The following TRHDE variants were observed in gnomAD, a reference collection of about 807,000 sequenced individuals.
The protein encoded by TRHDE is thyrotropin-releasing hormone-degrading ectoenzyme.
In TRHDE, 72 loss-of-function variants were observed where a neutral mutation model predicts 125.7. That is an observed-to-expected ratio of 0.57 (90% confidence interval 0.47 to 0.70). The LOEUF (loss-of-function observed/expected upper bound fraction) is 0.70, where lower values mean the gene tolerates loss of function less well. Ranked by LOEUF, TRHDE falls within the 30% of genes least tolerant of loss-of-function variation. The pLI, the probability that TRHDE is intolerant of heterozygous loss-of-function variation, is 0.00. For synonymous variants in TRHDE, 509 were observed against 509.1 expected (o/e 1.00, Z 0.00); for missense variants, 1,110 against 1,327.1 (o/e 0.84, Z 2.54).
chr12:72,434,324 G>T (rs1874638479), intron 3 of TRHDE, among the ~76,000 whole-genome samples: 1 of 148,518 alleles, frequency 6.7e-6, no homozygotes, highest in Non-Finnish European at 1.5e-5. Flanking sequence ...GGCAGAGGTT[G>T]CAGTTAGCCA....
chr12:72,578,982 G>GGGTT (rs1871122145), intron 12 of TRHDE, among the ~76,000 whole-genome samples: 1 of 105,184 alleles, frequency 9.5e-6, no homozygotes, highest in Non-Finnish European at 1.7e-5. Flanking sequence ...TTACTGTTTA[G>GGGTT]TGTTTTTTTT....
intron 1 of TRHDE, among the ~76,000 whole-genome samples, chr12:72,100,482 A>C (rs1359911286): frequency 6.6e-6 from 1 of 152,246 alleles, no homozygotes; most frequent in Non-Finnish European, 1.5e-5. Flanking sequence ...ATAAATGTTT[A>C]CTAGAAGGTC....
chr12:72,596,237 G>A (rs1871933398), intron 12 of TRHDE, among the ~76,000 whole-genome samples: 1 of 152,070 alleles, frequency 6.6e-6, no homozygotes, highest in Non-Finnish European at 1.5e-5. Context: ...TTTGATAAAT[G>A]GATAGAGGAG....
At chr12:72,368,710 A>G (rs1433749136) in intron 2 of TRHDE, among the ~76,000 whole-genome samples, 1 of 152,174 alleles carries the variant, frequency 6.6e-6, no homozygotes, top group Admixed American at 6.6e-5. Context: ...TATTAACTGA[A>G]TAAATAAATG....
intron 2 of TRHDE, among the ~76,000 whole-genome samples, chr12:72,170,381 A>C (rs1293370765): frequency 1.3e-5 from 2 of 152,188 alleles, no homozygotes; most frequent in Non-Finnish European, 2.9e-5. Context: ...AAGGACACGC[A>C]ATGAGGTTAG....
At chr12:72,364,053 C>G (rs1054844054) in intron 2 of TRHDE, among the ~76,000 whole-genome samples, 3 of 151,960 alleles carry the variant, frequency 2.0e-5, no homozygotes, top group Non-Finnish European at 2.9e-5. Context: ...AGCTAGGAAG[C>G]CAACTTACAA....
chr12:72,089,826 G>A (rs1874750618), intron 1 of TRHDE, among the ~76,000 whole-genome samples: 1 of 152,126 alleles, frequency 6.6e-6, no homozygotes, highest in Non-Finnish European at 1.5e-5. Context: ...TGTGAACTGG[G>A]ATCTGCATCT....
upstream of TRHDE, chr12:72,271,826 A>G (rs1879224197): frequency 2.3e-6 from 1 of 437,126 alleles, no homozygotes. Context: ...CATCTACCTG[A>G]AGGGGATGGC....
At chr12:72,564,869 T>A (rs1289372714) in intron 9 of TRHDE, among the ~76,000 whole-genome samples, 1 of 151,818 alleles carries the variant, frequency 6.6e-6, no homozygotes, top group Non-Finnish European at 1.5e-5. Context: ...GGTTTCACCG[T>A]GTTAGCCAGG....
At chr12:72,639,376 C>T (rs377673194) in intron 15 of TRHDE, among the ~76,000 whole-genome samples, 2 of 151,440 alleles carry the variant, frequency 1.3e-5, no homozygotes, top group African/African-American at 4.8e-5. Flanking sequence ...AAGCACTTCT[C>T]TGTATTGGTT....
At chr12:72,489,814 C>G (rs1415762404) in intron 5 of TRHDE, among the ~76,000 whole-genome samples, 1 of 151,758 alleles carries the variant, frequency 6.6e-6, no homozygotes, top group African/African-American at 2.4e-5. Flanking sequence ...AAATGAGACT[C>G]TTGTCTTACA....
At position 72,151,644 on chromosome 12, in the gene TRHDE, A is replaced by C. The variant is rs1330994308; in HGVS notation, n.279+45892A>C. On this transcript the variant is annotated intron_variant and non_coding_transcript_variant, in intron 2 of 4. Coordinates refer to the TRHDE transcript ENST00000548156. ...GCCAGTTTTCCCAGCACCATTTATT[A>C]AATAGGGAATCCTTTCCCCATTGCT... Among the ~76,000 whole-genome samples the C allele has an allele frequency of 5.1e-4, 77 of 152,132 alleles. 1 individual carries two copies. The highest frequency in any genetic ancestry group is 1.7e-3 in the African/African-American group (71 of 41,494).
chr12:72,248,148 G>A lies in TRHDE; in HGVS notation n.280-129847G>A, dbSNP rs528779854. Among the ~76,000 whole-genome samples, 7 of 152,084 alleles carry A rather than the reference G, an allele frequency of 4.6e-5. No individual in the cohort carries two copies. The South Asian group carries it at 6.2e-4, about 14-fold the overall frequency. On this transcript the variant is annotated intron_variant and non_coding_transcript_variant, in intron 2 of 4. Transcript: ENST00000548156. ...ATAGTGAAGTGCTTAGGCCGGGTGC[G>A]GTGGCTCACGCCTATAATCCCAGCA... is the stretch of plus-strand genomic sequence containing the variant.
rs555074970 is a variant in TRHDE at position 72,129,750 on chromosome 12, T to C, written n.279+23998T>C. ...GGATAGGCAAAATTTTCAGATAAAA[T>C]AATTATTTCATAGACAACCCAAGAG... On this transcript the variant is annotated intron_variant and non_coding_transcript_variant, in intron 2 of 4. Transcript: ENST00000548156. Among the ~76,000 whole-genome samples the C allele has an allele frequency of 9.2e-5, 14 of 152,284 alleles. 2 individuals carry two copies. The South Asian group carries it at 2.3e-3, about 25-fold the overall frequency.
chr12:72,399,622 T>C (rs1872953249), intron 3 of TRHDE, among the ~76,000 whole-genome samples: 1 of 152,162 alleles, frequency 6.6e-6, no homozygotes, highest in African/African-American at 2.4e-5. Context: ...GTGAAAATTT[T>C]CACACAGAAA....
chr12:72,094,551 C>T (rs756423678), intron 1 of TRHDE, among the ~76,000 whole-genome samples: 140 of 152,100 alleles, frequency 9.2e-4, no homozygotes, highest in Non-Finnish European at 1.8e-3. Context: ...CATATCTCTT[C>T]CAGTCCCTGT....
intron 15 of TRHDE, among the ~76,000 whole-genome samples, chr12:72,626,533 T>C (rs778862600): frequency 1.3e-4 from 19 of 151,866 alleles, no homozygotes; most frequent in Non-Finnish European, 2.8e-4. Flanking sequence ...TAAAACAAAA[T>C]GCTACCTTAG....
At chr12:72,487,965 A>T (rs1877488233) in intron 5 of TRHDE, among the ~76,000 whole-genome samples, 1 of 152,198 alleles carries the variant, frequency 6.6e-6, no homozygotes, top group East Asian at 1.9e-4. Context: ...TGATTATAAG[A>T]TGTTTTATTT....
At chr12:72,239,519 G>A (rs1314020993) in intron 2 of TRHDE, among the ~76,000 whole-genome samples, 1 of 152,094 alleles carries the variant, frequency 6.6e-6, no homozygotes, top group Non-Finnish European at 1.5e-5. Context: ...TATGGTTTTA[G>A]GTCTTAGATC....
Sources: allele counts gnomAD v4.1 joint callset (sites outside exome capture counted in the v4.1 genomes callset), GRCh38; gene constraint gnomAD v4.1.1; transcripts MANE v1.5; gene names NCBI Gene and HGNC (gene_info 2026-07-23, HGNC 2026-07-21).